TLN2: variants seen among roughly 807,000 people sequenced by gnomAD.
The protein encoded by TLN2 is talin 2.
Under a neutral mutation model 294.7 loss-of-function variants are expected in TLN2, and 118 were observed. That is an observed-to-expected ratio of 0.40 (90% CI 0.34 to 0.47). TLN2 has a LOEUF of 0.47. Ranked by LOEUF, TLN2 falls within the 20% of genes least tolerant of loss-of-function variation. The pLI is 0.84. For synonymous variants in TLN2, 1,431 were observed against 1,304.5 expected (o/e 1.10, Z -2.09); for missense variants, 3,083 against 3,282.2 (o/e 0.94, Z 1.48).
rs555192873 is a variant in TLN2 at position 62,800,297 on chromosome 15, C to T, written c.6235-71C>T. The T allele has an allele frequency of 8.9e-6, 14 of 1,572,518 alleles. No homozygotes were observed. The African/African-American group carries it at 1.9e-4, about 21-fold the overall frequency. ...CCCCGTGCCCTGGCCTGCCCTCAGG[C>T]TGCATGCCTTGGTAAAGCCCACAGC... On this transcript the variant is annotated intron_variant, in intron 48 of 58. Coordinates refer to ENST00000636159, the MANE Select transcript of TLN2 (RefSeq NM_015059.3).
intron 57 of TLN2, among the ~76,000 whole-genome samples, chr15:62,837,798 G>T (rs552682186): frequency 6.6e-6 from 1 of 152,142 alleles, no homozygotes; most frequent in African/African-American, 2.4e-5. Flanking sequence ...ATTGGTTCGC[G>T]TCCCACCCTG....
chr15:62,774,423 T>C (rs191542651), intron 42 of TLN2, among the ~76,000 whole-genome samples: 2 of 152,276 alleles, frequency 1.3e-5, no homozygotes, highest in African/African-American at 4.8e-5. Flanking sequence ...CTGTCGGTGG[T>C]TTAAACAGGC....
Position 62,492,286 on chromosome 15 carries a change from C to T in TLN2, c.-237-97401C>T, listed in dbSNP as rs565891741. Among the ~76,000 whole-genome samples, 16 of 151,680 alleles carry T rather than the reference C, an allele frequency of 1.1e-4. 1 individual carries two copies. The highest frequency in any genetic ancestry group is 3.9e-4 in the African/African-American group (16 of 41,380). ...CTAATATGGTGATACTAGCCGGGTG[C>T]GGTGGCTGATGCCTATAATCCCAGC... On this transcript the variant is annotated intron_variant, in intron 1 of 58. Transcript: ENST00000636159.
At chr15:62,549,115 C>A (rs980924287) in intron 1 of TLN2, among the ~76,000 whole-genome samples, 1 of 152,052 alleles carries the variant, frequency 6.6e-6, no homozygotes, top group Non-Finnish European at 1.5e-5. Context: ...CAATTAGCTG[C>A]CTTTAATTGA....
intron 23 of TLN2, among the ~76,000 whole-genome samples, chr15:62,717,148 C>G (rs1416315683): frequency 2.6e-5 from 4 of 152,136 alleles, no homozygotes; most frequent in African/African-American, 7.2e-5. Context: ...TGGAAAGTCT[C>G]TGCATTTTGG....
At chr15:62,683,541 T>C (rs982334928) in intron 11 of TLN2, among the ~76,000 whole-genome samples, 2 of 142,766 alleles carry the variant, frequency 1.4e-5, no homozygotes, top group Admixed American at 7.1e-5. Flanking sequence ...CCGCCTCTCA[T>C]TGGTAGAATG....
At chr15:62,562,955 C>G (rs1423138593) in intron 1 of TLN2, among the ~76,000 whole-genome samples, 6 of 140,592 alleles carry the variant, frequency 4.3e-5, no homozygotes, top group African/African-American at 1.6e-4. Flanking sequence ...CACACACACA[C>G]ACACACACAC....
At chr15:62,409,245 T>A (rs2033620977) in intron 1 of TLN2, among the ~76,000 whole-genome samples, 1 of 152,130 alleles carries the variant, frequency 6.6e-6, no homozygotes, top group Admixed American at 6.5e-5. Context: ...AGAGCTGGGA[T>A]TACAGGTGTC....
At chr15:62,730,143 CT>C (rs2060643811) in intron 28 of TLN2, among the ~76,000 whole-genome samples, 1 of 129,858 alleles carries the variant, frequency 7.7e-6, no homozygotes, top group Non-Finnish European at 1.9e-5. Context: ...ATTCTCCTGC[CT>C]CAGCCTCCTG....
chr15:62,783,945 C>T, intron 45 of TLN2, 55 bp downstream of exon 45: 1 of 1,605,462 alleles, frequency 6.2e-7, no homozygotes, highest in Non-Finnish European at 8.5e-7. Context: ...GGTGCCCACT[C>T]CTGGGTATTT....
intron 1 of TLN2, among the ~76,000 whole-genome samples, chr15:62,448,224 C>T (rs141311531): frequency 6.6e-6 from 1 of 152,344 alleles, no homozygotes; most frequent in Non-Finnish European, 1.5e-5. Context: ...TATGTGCTAT[C>T]CGCTGCAGTC....
At chr15:62,762,160 C>T in intron 38 of TLN2, 112 bp from the exon 39 acceptor site, 1 of 1,243,572 alleles carries the variant, frequency 8.0e-7, no homozygotes, top group Non-Finnish European at 1.1e-6. Context: ...CCCTCTTTGT[C>T]TCCTTCAAAG....
intron 1 of TLN2, among the ~76,000 whole-genome samples, chr15:62,478,486 C>A (rs891435842): frequency 6.6e-6 from 1 of 152,182 alleles, no homozygotes; most frequent in South Asian, 2.1e-4. Flanking sequence ...TGGGGGCAGT[C>A]GTGAACAGGG....
chr15:62,525,254 A>G (rs2040676274), intron 1 of TLN2, among the ~76,000 whole-genome samples: 1 of 152,224 alleles, frequency 6.6e-6, no homozygotes, highest in Non-Finnish European at 1.5e-5. Context: ...ACGTGTCCTC[A>G]GGCAAGCTGT....
At chr15:62,763,384 T>G (rs778719454) in intron 39 of TLN2, 179 bp from the exon 40 acceptor site, 98 of 618,858 alleles carry the variant, frequency 1.6e-4, no homozygotes, top group Middle Eastern at 1.3e-3. Context: ...AAGTGTTAAA[T>G]TAAGGAATGC....
chr15:62,535,151 G>T (rs2041264388), intron 1 of TLN2, among the ~76,000 whole-genome samples: 2 of 152,182 alleles, frequency 1.3e-5, no homozygotes, highest in Admixed American at 6.5e-5. Flanking sequence ...ATTCCTTTGT[G>T]TTAGCTGTGT....
chr15:62,543,348 G>A (rs1189029912), intron 1 of TLN2, among the ~76,000 whole-genome samples: 2 of 152,218 alleles, frequency 1.3e-5, no homozygotes, highest in Non-Finnish European at 2.9e-5. Flanking sequence ...ACTATGCCAA[G>A]CTCTAGGACA....
At chr15:62,638,531 T>C (rs1303130698) in intron 3 of TLN2, 1 of 456,094 alleles carries the variant, frequency 2.2e-6, no homozygotes, top group Non-Finnish European at 4.4e-6. Flanking sequence ...CTCTGTTCAC[T>C]GTGGCAGTGT....
Position 62,582,246 on chromosome 15 carries a change from A to ACC in TLN2, c.-237-7440_-237-7439insCC, listed in dbSNP as rs1555435710. Among the ~76,000 whole-genome samples the ACC allele has an allele frequency of 3.9e-4, 53 of 137,306 alleles. 3 individuals are homozygous for ACC. The highest frequency in any genetic ancestry group is 2.1e-3 in the Admixed American group (28 of 13,276). 90.1% of individuals were successfully genotyped at this position (137,306 alleles called of 152,430 possible). A position where few individuals can be genotyped will look rare whatever the true frequency, so the allele number is the denominator to read the frequency against. On this transcript the variant is annotated intron_variant, in intron 1 of 58. Coordinates refer to ENST00000636159, the MANE Select transcript of TLN2 (RefSeq NM_015059.3). ...CACACACACACACACACACACACAC[A>ACC]CATTCATGCCTGACCCATTCCTGAC...
Sources: allele counts gnomAD v4.1 joint callset (sites outside exome capture counted in the v4.1 genomes callset), GRCh38; gene constraint gnomAD v4.1.1; transcripts MANE v1.5; gene names NCBI Gene and HGNC (gene_info 2026-07-23, HGNC 2026-07-21).